The following CDH20 variants were observed in gnomAD, a reference collection of about 807,000 sequenced individuals.
The protein encoded by CDH20 is cadherin-20.
CDH20 carries 29 observed loss-of-function variants against 74.2 expected under a neutral mutation model. The ratio of observed to expected loss-of-function variants is 0.39; its 90% confidence interval spans 0.29 to 0.53. The LOEUF (loss-of-function observed/expected upper bound fraction) is 0.53. Ranked by LOEUF, CDH20 falls within the 20% of genes least tolerant of loss-of-function variation. The probability of loss-of-function intolerance (pLI) is 0.69; values close to 1 mark genes in which losing one functional copy is unlikely to be tolerated. For synonymous variants in CDH20, 469 were observed against 405.4 expected, an observed-to-expected ratio of 1.16 and a Z score of -1.88; for missense variants, 988 against 1,048.3, an observed-to-expected ratio of 0.94 and a Z score of 0.79.
chr18:61,486,509 A>G (rs1255576345), intron 1 of CDH20, among the ~76,000 whole-genome samples: 1 of 152,184 alleles, frequency 6.6e-6, no homozygotes, highest in Non-Finnish European at 1.5e-5. Context: ...GCTATTTCTC[A>G]AGAGAGAAAC....
At chr18:61,542,962 T>C (rs9319982) in intron 9 of CDH20, among the ~76,000 whole-genome samples, 51,388 of 151,938 alleles carry the variant, frequency 0.34, 9,112 homozygotes, top group Non-Finnish European at 0.4. Flanking sequence ...CCCCAACACC[T>C]CCCACCAGGC....
At chr18:61,340,248 C>G (rs937326760) in intron 1 of CDH20, among the ~76,000 whole-genome samples, 1 of 3,670 alleles carries the variant, frequency 2.7e-4, no homozygotes, top group Admixed American at 3.0e-3. Flanking sequence ...AAGGTCTGAC[C>G]TTAGCTGAAT....
rs1177012774 is a variant in CDH20 at position 61,528,110 on chromosome 18, T to C, written c.1161T>C (p.Pro387=). The C allele has an allele frequency of 1.9e-6, 3 of 1,614,058 alleles. No individual in the cohort carries two copies. The highest frequency in any genetic ancestry group is 2.7e-5 in the African/African-American group (2 of 74,930). ...HISVEDVDEP[P]VFEPGFYFVE... is the part of the protein sequence containing the mutation. ...GTGTGGAAGACGTGGACGAGCCCCC[T>C]GTGTTTGAACCTGGCTTTTACTTTG... Residue 387 remains proline, a synonymous_variant, in exon 7 of 12, where the codon CCT becomes CCC. Coordinates refer to ENST00000262717, the MANE Select transcript of CDH20 (RefSeq NM_031891.4).
intron 1 of CDH20, among the ~76,000 whole-genome samples, chr18:61,372,593 GATT>G (rs1911079943): frequency 6.6e-6 from 1 of 152,078 alleles, no homozygotes; most frequent in East Asian, 1.9e-4. Context: ...CTTAAGAATG[GATT>G]TTCATCTTTA....
intron 1 of CDH20, among the ~76,000 whole-genome samples, chr18:61,454,823 C>T (rs76324964): frequency 6.6e-6 from 1 of 152,218 alleles, no homozygotes; most frequent in Non-Finnish European, 1.5e-5. Flanking sequence ...CAGCATAAAA[C>T]AGCATCCTCG....
intron 1 of CDH20, among the ~76,000 whole-genome samples, chr18:61,389,947 C>T (rs1224559574): frequency 6.6e-6 from 1 of 152,160 alleles, no homozygotes; most frequent in Non-Finnish European, 1.5e-5. Flanking sequence ...CATAAATATG[C>T]TCCAGTAACA....
At chr18:61,413,160 T>C (rs1423802998) in intron 1 of CDH20, among the ~76,000 whole-genome samples, 1 of 152,176 alleles carries the variant, frequency 6.6e-6, no homozygotes, top group East Asian at 1.9e-4. Flanking sequence ...TTTAATTTTA[T>C]CTTCAAAGCA....
chr18:61,386,614 T>C lies in CDH20; in HGVS notation c.-153+52787T>C, dbSNP rs143264168. On this transcript the variant is annotated intron_variant, in intron 1 of 11. Coordinates refer to ENST00000262717, the MANE Select transcript of CDH20 (RefSeq NM_031891.4). Reference sequence around the variant, plus strand: ...ATTAAAATTTGGATGATAATTTACATAGAAATATGTTCTTTGAAATTTTAT... The same window carrying C: ...ATTAAAATTTGGATGATAATTTACACAGAAATATGTTCTTTGAAATTTTAT... Among the ~76,000 whole-genome samples, 372 of 152,314 alleles carry C rather than the reference T, an allele frequency of 2.4e-3. 4 individuals carry two copies. The highest frequency in any genetic ancestry group is 8.8e-3 in the African/African-American group (364 of 41,576).
intron 1 of CDH20, among the ~76,000 whole-genome samples, chr18:61,377,937 A>G (rs1568117097): frequency 6.6e-6 from 1 of 152,064 alleles, no homozygotes. Flanking sequence ...AAATGTCAGG[A>G]CTTTAAGGAA....
At chr18:61,444,855 T>C (rs1313507673) in intron 1 of CDH20, among the ~76,000 whole-genome samples, 2 of 152,220 alleles carry the variant, frequency 1.3e-5, no homozygotes, top group African/African-American at 4.8e-5. Flanking sequence ...GTTGGAGTTT[T>C]GTGGCCTTTT....
intron 1 of CDH20, among the ~76,000 whole-genome samples, chr18:61,441,513 A>T (rs980544499): frequency 7.2e-5 from 11 of 152,282 alleles, no homozygotes; most frequent in Middle Eastern, 3.4e-3. Flanking sequence ...TGAACCAAAT[A>T]AGCAATAAAT....
chr18:61,539,604 T>C (rs953735855), intron 9 of CDH20, among the ~76,000 whole-genome samples: 1 of 152,158 alleles, frequency 6.6e-6, no homozygotes, highest in Non-Finnish European at 1.5e-5. Flanking sequence ...CTCTGAGGCC[T>C]GGAAGTGAGA....
Position 61,517,620 on chromosome 18 carries a change from C to T in CDH20, c.1017+10060C>T, listed in dbSNP as rs1195760320. On this transcript the variant is annotated intron_variant, in intron 6 of 11. Coordinates refer to ENST00000262717, the MANE Select transcript of CDH20 (RefSeq NM_031891.4). ...ACCAGGAGACTCCCTTGGGTGCCTA[C>T]GCCTCCAGGGACCTGGGTTTCAAGC... 4.6e-5 allele frequency among the ~76,000 whole-genome samples: 7 copies of T among 152,326 alleles called. No homozygotes were observed. In the East Asian group the frequency reaches 5.8e-4, roughly 13 times the overall value.
chr18:61,513,662 G>A (rs1049637634), intron 6 of CDH20, among the ~76,000 whole-genome samples: 10 of 152,134 alleles, frequency 6.6e-5, no homozygotes, highest in African/African-American at 1.4e-4. Context: ...CACATTTAGC[G>A]CTTCCTTCAG....
chr18:61,396,053 TTGTG>T (rs6146344), intron 1 of CDH20, among the ~76,000 whole-genome samples: 4 of 142,746 alleles, frequency 2.8e-5, no homozygotes, highest in South Asian at 2.2e-4. Context: ...GTGTGTGTGT[TTGTG>T]TGTGTGTGTG....
intron 5 of CDH20, among the ~76,000 whole-genome samples, chr18:61,504,280 C>G (rs17811077): frequency 0.28 from 43,140 of 151,960 alleles, 6,313 homozygotes; most frequent in African/African-American, 0.31. Flanking sequence ...ACTTGAACTG[C>G]TAAGGACTTA....
chr18:61,383,572 C>T (rs767652527), intron 1 of CDH20, among the ~76,000 whole-genome samples: 1 of 151,732 alleles, frequency 6.6e-6, no homozygotes, highest in African/African-American at 2.4e-5. Flanking sequence ...CAGAGCTAGG[C>T]TCTGTCTAAA....
chr18:61,512,864 G>C (rs567684179), intron 6 of CDH20, among the ~76,000 whole-genome samples: 1 of 152,134 alleles, frequency 6.6e-6, no homozygotes. Flanking sequence ...TGTGGTCTGA[G>C]AGACAGTTTG....
At chr18:61,339,619 A>G (rs892645485) in intron 1 of CDH20, among the ~76,000 whole-genome samples, 8 of 151,994 alleles carry the variant, frequency 5.3e-5, no homozygotes, top group African/African-American at 1.9e-4. Context: ...CAACTAATTA[A>G]AGGGTAACTA....
Sources: gnomAD v4.1 joint callset for allele counts (sites outside exome capture counted in the v4.1 genomes callset) on GRCh38, gnomAD v4.1.1 for gene constraint, MANE v1.5 for transcripts, NCBI Gene and HGNC (gene_info 2026-07-23, HGNC 2026-07-21) for gene names.